Variants in MLXIP observed in about 807,000 individuals in gnomAD.
The protein encoded by MLXIP is MLX interacting protein.
MLXIP carries 30 observed loss-of-function variants against 87.2 expected under a neutral mutation model. The ratio of observed to expected loss-of-function variants is 0.34; its 90% CI spans 0.26 to 0.47. The LOEUF is 0.47. MLXIP is among the 20% of genes least tolerant of loss of function. The probability of loss-of-function intolerance (pLI) is 1.00; values close to 1 mark genes in which losing one functional copy is unlikely to be tolerated. For synonymous variants in MLXIP, 530 were observed against 514.0 expected (o/e 1.03, Z -0.42); for missense variants, 1,002 against 1,240.1 (o/e 0.81, Z 2.88).
chr12:122,140,694 G>A (rs1434807972), intron 15 of MLXIP: 1 of 560,910 alleles, frequency 1.8e-6, no homozygotes, highest in Non-Finnish European at 3.3e-6. Context: ...TTCCAGACTA[G>A]AGACCTTCTG....
At chr12:122,126,930 G>A (rs1232385821) in intron 1 of MLXIP, among the ~76,000 whole-genome samples, 3 of 152,198 alleles carry the variant, frequency 2.0e-5, no homozygotes, top group Admixed American at 6.5e-5. Flanking sequence ...TGTTCAGTTT[G>A]TTAGTCTGGT....
At chr12:122,084,003 C>G (rs1254741689) in intron 1 of MLXIP, among the ~76,000 whole-genome samples, 2 of 152,148 alleles carry the variant, frequency 1.3e-5, no homozygotes, top group African/African-American at 4.8e-5. Flanking sequence ...GGAGCCGGGG[C>G]TGCAGAGATG....
chr12:122,105,735 G>GT (rs1418276840), intron 1 of MLXIP, among the ~76,000 whole-genome samples: 2 of 151,526 alleles, frequency 1.3e-5, no homozygotes, highest in Non-Finnish European at 1.5e-5. Context: ...AGCCGAGATT[G>GT]TGCCACTGCA....
At chr12:122,099,461 C>T (rs1952404412) in intron 1 of MLXIP, among the ~76,000 whole-genome samples, 1 of 152,156 alleles carries the variant, frequency 6.6e-6, no homozygotes, top group Non-Finnish European at 1.5e-5. Context: ...GCACTGGTGG[C>T]CCCAGCCTCA....
chr12:122,118,905 G>T (rs1411748748), intron 1 of MLXIP, among the ~76,000 whole-genome samples: 2 of 151,420 alleles, frequency 1.3e-5, no homozygotes, highest in Non-Finnish European at 2.9e-5. Context: ...GGTGGCTCGT[G>T]CCTGTAATCC....
chr12:122,088,328 A>G (rs950885702), intron 1 of MLXIP, among the ~76,000 whole-genome samples: 12 of 152,292 alleles, frequency 7.9e-5, no homozygotes, highest in Admixed American at 7.8e-4. Flanking sequence ...TGAATACCCT[A>G]GAGACCTCTC....
chr12:122,104,638 G>A (rs1472405799), intron 1 of MLXIP, among the ~76,000 whole-genome samples: 3 of 143,388 alleles, frequency 2.1e-5, no homozygotes, highest in Non-Finnish European at 4.5e-5. Flanking sequence ...GGAGTGCAAT[G>A]GTGCGATCTT....
In MLXIP at chr12:122,135,493, C is replaced by T; in HGVS notation, c.1859C>T (p.Pro620Leu). 1 of 1,609,726 alleles carries T rather than the reference C, an allele frequency of 6.2e-7. No individual in the cohort carries two copies. Among genetic ancestry groups the T allele is most frequent in the Non-Finnish European group, 8.5e-7 (1 of 1,178,442 alleles). The change falls in exon 11 of 17, where the codon CCT (proline) becomes CTT (leucine). Residue 620 changes from proline to leucine, a missense_variant. Coordinates refer to ENST00000319080, the MANE Select transcript of MLXIP (RefSeq NM_014938.6). This position sits in a 1 kb window ranked among gnomAD's most constrained non-coding sequence, Gnocchi z 5.3. Reference protein sequence around the residue: ...VIAPAAIARAPGVPEFHSSIL... With the variant: ...VIAPAAIARALGVPEFHSSIL... ...CTGTCTCCCATGTCACTGCAGGCTC[C>T]TGGGGTCCCGGAGTTCCACAGCAGC...
rs1479031847 is a variant in MLXIP, at chr12:122,146,995, G to C, written c.*5183G>C. On this transcript the variant is annotated 3_prime_UTR_variant, in exon 17 of 17. Transcript: ENST00000319080. ...GCCGAATCTTTTTCGAACAGCCCGG[G>C]AAAGGAAAACGGATTCACTTGCTGA... is the stretch of plus-strand genomic sequence containing the variant. 6.6e-6 allele frequency: 1 copy of C among 152,226 alleles called. No individual in the cohort carries two copies. Among genetic ancestry groups the C allele is most frequent in the African/African-American group, 2.4e-5 (1 of 41,446 alleles). 9.4% of individuals were successfully genotyped at this position (152,226 alleles called of 1,614,324 possible). A position where few individuals can be genotyped will look rare whatever the true frequency, so the allele number is the denominator to read the frequency against.
chr12:122,121,010 G>GTTTTTTTTGTTTTTTTTTTTTTTTT (rs1952771936), intron 1 of MLXIP, among the ~76,000 whole-genome samples: 10 of 111,910 alleles, frequency 8.9e-5, no homozygotes, highest in Non-Finnish European at 1.7e-4. Context: ...TGCATGCTTG[G>GTTTTTTTTGTTTTTTTTTTTTTTTT]TTTTTTTTTT....
At position 122,142,007 on chromosome 12, in the gene MLXIP, T is replaced by G. The variant is rs894535259; in HGVS notation, c.*195T>G. On this transcript the variant is annotated 3_prime_UTR_variant, in exon 17 of 17. Coordinates refer to ENST00000319080, the MANE Select transcript of MLXIP (RefSeq NM_014938.6). The stretch of plus-strand genomic sequence containing the variant: ...GGCCTGCTGACAGCAATAGCCCGCC[T>G]TTGGGAACCCCTTGCTGTGAACTCT... 4 of 762,032 alleles carry G rather than the reference T, an allele frequency of 5.2e-6. No homozygotes were observed. Among genetic ancestry groups the G allele is most frequent in the African/African-American group, 5.2e-5 (3 of 57,680 alleles). The allele number at this position is 762,032 out of a possible 1,614,324, so 47.2% of individuals were successfully genotyped here.
At chr12:122,138,989 A>G (rs760231475) in intron 15 of MLXIP, 51 bp downstream of exon 15, 2 of 1,608,090 alleles carry the variant, frequency 1.2e-6, no homozygotes, top group African/African-American at 2.7e-5. Context: ...CAATGCACTG[A>G]AGCCACAGAC....
At chr12:122,130,303 C>T (rs1218045041) in intron 6 of MLXIP, among the ~76,000 whole-genome samples, 191 bp downstream of exon 6, 1 of 152,068 alleles carries the variant, frequency 6.6e-6, no homozygotes, top group East Asian at 1.9e-4. Context: ...TGGGTGGGGT[C>T]TGCAGAGTGG....
At chr12:122,138,111 C>A in intron 12 of MLXIP, 83 bp from the exon 13 acceptor site, 2 of 1,281,760 alleles carry the variant, frequency 1.6e-6, no homozygotes, top group Non-Finnish European at 2.2e-6. Flanking sequence ...CCTTGGGCAC[C>A]CAGGATCAGC....
intron 1 of MLXIP, among the ~76,000 whole-genome samples, chr12:122,092,007 C>T (rs1042257590): frequency 2.6e-5 from 4 of 152,186 alleles, no homozygotes; most frequent in African/African-American, 7.2e-5. Context: ...GCGATGAAGG[C>T]GGTGTGCTGT....
In MLXIP at chr12:122,129,377, A is replaced by G. The variant is rs560895560; in HGVS notation, c.696+151A>G. 1.6e-5 allele frequency: 6 copies of G among 385,570 alleles called. No individual in the cohort carries two copies. The South Asian group carries it at 4.3e-4, about 27-fold the overall frequency. 23.9% of individuals were successfully genotyped at this position (385,570 alleles called of 1,614,324 possible). Reference sequence around the variant, plus strand: ...AATCTGGGGCCCAGCGTGCCAGACTAGCCTGGGCAATGGCCTGCCTCGGTC... The same window carrying G: ...AATCTGGGGCCCAGCGTGCCAGACTGGCCTGGGCAATGGCCTGCCTCGGTC... On this transcript the variant is annotated intron_variant, in intron 4 of 16. Transcript: ENST00000319080.
chr12:122,084,215 G>A (rs1312820281), intron 1 of MLXIP, among the ~76,000 whole-genome samples: 4 of 151,034 alleles, frequency 2.6e-5, no homozygotes, highest in Non-Finnish European at 4.4e-5. Flanking sequence ...GGAGCAGTGC[G>A]GATGGTTTTC....
At chr12:122,079,301 G>T in intron 1 of MLXIP, 35 bp downstream of exon 1, 1 of 1,533,148 alleles carries the variant, frequency 6.5e-7, no homozygotes, top group Non-Finnish European at 8.8e-7. Flanking sequence ...GGCCCCGGCC[G>T]GAGGCCCTTG....
chr12:122,140,925 C>T (rs368703608), intron 15 of MLXIP, 29 bp from the exon 16 acceptor site: 8 of 1,613,866 alleles, frequency 5.0e-6, no homozygotes, highest in Non-Finnish European at 5.1e-6. Context: ...CCTCTCCGTG[C>T]TTGCCTTTTC....
Sources: allele counts gnomAD v4.1 joint callset (sites outside exome capture counted in the v4.1 genomes callset), GRCh38; gene constraint gnomAD v4.1.1; non-coding constraint Gnocchi (gnomAD v3.1); transcripts MANE v1.5; gene names NCBI Gene and HGNC (gene_info 2026-07-23, HGNC 2026-07-21).